LRP1B: variants seen among roughly 807,000 people sequenced by gnomAD.
LRP1B encodes low-density lipoprotein receptor-related protein 1B.
In LRP1B, 217 loss-of-function variants were observed where a neutral mutation model predicts 556.6. That is an observed-to-expected ratio of 0.39 (90% CI 0.35 to 0.44). The LOEUF is 0.44. LRP1B is among the 20% of genes least tolerant of loss of function. The pLI is 1.00. For synonymous variants in LRP1B, 2,047 were observed against 1,865.8 expected (o/e 1.10, Z -2.50); for missense variants, 5,053 against 5,620.8 (o/e 0.90, Z 3.23).
intron 32 of LRP1B, among the ~76,000 whole-genome samples, chr2:140,785,298 C>G (rs540074278): frequency 3.7e-4 from 57 of 152,174 alleles, no homozygotes; most frequent in Non-Finnish European, 5.7e-4. Context: ...TTCACTACAT[C>G]AAAGGAGTAA....
chr2:141,594,863 C>T lies in LRP1B; in HGVS notation c.206-114330G>A, dbSNP rs550988207. On this transcript the variant is annotated intron_variant, in intron 2 of 90. Coordinates refer to ENST00000389484, the MANE Select transcript of LRP1B (RefSeq NM_018557.3). ...ATGAACAAAGATAAAAGTATGCCAT[C>T]TTATTGTCAAGAATATTTCTAGCTT... is the stretch of plus-strand genomic sequence containing the variant. 2.3e-3 allele frequency among the ~76,000 whole-genome samples: 356 copies of T among 152,166 alleles called. 2 individuals are homozygous for T. Among genetic ancestry groups the T allele is most frequent in the Non-Finnish European group, 3.9e-3 (267 of 67,970 alleles).
chr2:140,520,635 G>C (rs986160019), intron 49 of LRP1B, among the ~76,000 whole-genome samples: 1 of 151,512 alleles, frequency 6.6e-6, no homozygotes, highest in Non-Finnish European at 1.5e-5. Flanking sequence ...TGAGTCTAAA[G>C]TAATAAGTGT....
At chr2:140,817,382 T>A (rs184214399) in intron 31 of LRP1B, among the ~76,000 whole-genome samples, 22 of 152,040 alleles carry the variant, frequency 1.4e-4, no homozygotes, top group Non-Finnish European at 3.1e-4. Context: ...AATTTATCTT[T>A]TTACTTATCT....
At chr2:142,041,523 T>C (rs1350501734) in intron 1 of LRP1B, among the ~76,000 whole-genome samples, 2 of 151,472 alleles carry the variant, frequency 1.3e-5, no homozygotes, top group Non-Finnish European at 3.0e-5. Flanking sequence ...AAACCCTAGA[T>C]ATGCAGAGAA....
intron 25 of LRP1B, among the ~76,000 whole-genome samples, chr2:140,881,016 A>G (rs936363901): frequency 1.8e-4 from 28 of 152,178 alleles, no homozygotes; most frequent in African/African-American, 6.5e-4. Context: ...TATATAAATC[A>G]TATTTCTCAA....
In LRP1B at chr2:141,126,650, C is replaced by T. The variant is rs117034883; in HGVS notation, c.1013+61771G>A. Among the ~76,000 whole-genome samples the T allele has an allele frequency of 2.0e-5, 3 of 152,184 alleles. No individual in the cohort carries two copies. The East Asian group carries it at 5.8e-4, about 29-fold the overall frequency. On this transcript the variant is annotated intron_variant, in intron 7 of 90. Transcript: ENST00000389484. ...TTTTTCAACACAATAGCCTCTTGGTCCTTTACCTTTTCTTCACCCAAGATC... is the reference window on the plus strand; with the variant it reads ...TTTTTCAACACAATAGCCTCTTGGTTCTTTACCTTTTCTTCACCCAAGATC...
chr2:141,759,986 G>A (rs111781959), intron 2 of LRP1B, among the ~76,000 whole-genome samples: 6,819 of 152,074 alleles, frequency 0.045, 530 homozygotes, highest in African/African-American at 0.15. Context: ...AAAATTAGCC[G>A]GGCGTGGTTG....
chr2:141,839,845 A>G (rs1245990615), intron 1 of LRP1B, among the ~76,000 whole-genome samples: 1 of 152,206 alleles, frequency 6.6e-6, no homozygotes, highest in African/African-American at 2.4e-5. Flanking sequence ...AAAAACACAG[A>G]TCAATTGTTT....
intron 51 of LRP1B, among the ~76,000 whole-genome samples, chr2:140,514,034 A>G (rs1320694796): frequency 3.3e-5 from 5 of 152,000 alleles, no homozygotes; most frequent in African/African-American, 1.2e-4. Flanking sequence ...CTATTTAACT[A>G]TTTGTTAAAT....
At chr2:141,285,805 G>A (rs1194844156) in intron 3 of LRP1B, among the ~76,000 whole-genome samples, 4 of 146,012 alleles carry the variant, frequency 2.7e-5, no homozygotes, top group African/African-American at 7.5e-5. Context: ...GGTGGCTCAC[G>A]CCTGTAATCC....
chr2:141,505,422 A>G (rs1401010049), intron 2 of LRP1B, among the ~76,000 whole-genome samples: 3 of 152,106 alleles, frequency 2.0e-5, no homozygotes, highest in African/African-American at 7.2e-5. Context: ...CTGTAACAGT[A>G]TGTATACTCA....
intron 3 of LRP1B, among the ~76,000 whole-genome samples, chr2:141,458,427 C>T (rs918928608): frequency 6.6e-6 from 1 of 152,126 alleles, no homozygotes; most frequent in Non-Finnish European, 1.5e-5. Flanking sequence ...TGCATTTTGG[C>T]AACGTATTTA....
At chr2:142,115,770 C>T (rs181637460) in intron 1 of LRP1B, among the ~76,000 whole-genome samples, 160 of 4,394 alleles carry the variant, frequency 0.036, 58 homozygotes, top group African/African-American at 0.12. Flanking sequence ...TAATATATAT[C>T]ATATATATGT....
At chr2:140,673,921 G>A (rs1277585786) in intron 41 of LRP1B, among the ~76,000 whole-genome samples, 2 of 150,452 alleles carry the variant, frequency 1.3e-5, no homozygotes, top group East Asian at 2.0e-4. Context: ...ATTTTACCCC[G>A]AAATATATCT....
intron 3 of LRP1B, among the ~76,000 whole-genome samples, chr2:141,274,587 G>C (rs1303605191): frequency 6.6e-6 from 1 of 152,070 alleles, no homozygotes; most frequent in Non-Finnish European, 1.5e-5. Context: ...ATGGATGCAT[G>C]GCTATTTTTG....
At chr2:140,756,258 A>G (rs1688738061) in intron 35 of LRP1B, among the ~76,000 whole-genome samples, 1 of 152,068 alleles carries the variant, frequency 6.6e-6, no homozygotes, top group South Asian at 2.1e-4. Context: ...AATAATCCTC[A>G]GTTGTTTTCT....
intron 1 of LRP1B, among the ~76,000 whole-genome samples, chr2:142,123,452 A>T (rs754653626): frequency 6.6e-6 from 1 of 152,092 alleles, no homozygotes; most frequent in South Asian, 2.1e-4. Flanking sequence ...CCTTGATCTT[A>T]CCTAAAGAAG....
chr2:140,623,034 A>AT (rs1223612326), intron 41 of LRP1B, among the ~76,000 whole-genome samples: 49 of 152,208 alleles, frequency 3.2e-4, no homozygotes, highest in Non-Finnish European at 5.3e-4. Flanking sequence ...CAATTTACAT[A>AT]TTTTTAAAAA....
intron 7 of LRP1B, among the ~76,000 whole-genome samples, chr2:141,118,269 C>T (rs1700956244): frequency 6.6e-6 from 1 of 151,840 alleles, no homozygotes; most frequent in Admixed American, 6.6e-5. Context: ...AAAAACTCTT[C>T]TTGATTTTTG....
Sources: allele counts gnomAD v4.1 joint callset (sites outside exome capture counted in the v4.1 genomes callset), GRCh38; gene constraint gnomAD v4.1.1; transcripts MANE v1.5; gene names NCBI Gene and HGNC (gene_info 2026-07-23, HGNC 2026-07-21).